The following KTN1 variants were observed in gnomAD, a reference collection of about 807,000 sequenced individuals.
KTN1 encodes kinectin.
In KTN1, 130 loss-of-function variants were observed where a neutral mutation model predicts 222.5. The observed-to-expected ratio is 0.58, with a 90% CI of 0.51 to 0.68. The LOEUF is 0.68. Ranked by LOEUF, KTN1 falls within the 30% of genes least tolerant of loss-of-function variation. KTN1 has a pLI of 0.00. For missense variants in KTN1, 1,508 were observed against 1,500.4 expected (o/e 1.01, Z -0.08); for synonymous variants, 512 against 496.3 (o/e 1.03, Z -0.42).
chr14:55,618,952 T>C (rs1199079730), intron 4 of KTN1, among the ~76,000 whole-genome samples: 1 of 152,198 alleles, frequency 6.6e-6, no homozygotes, highest in Non-Finnish European at 1.5e-5. Flanking sequence ...TTTTAGTATT[T>C]TGCAGTTTGA....
intron 1 of KTN1, among the ~76,000 whole-genome samples, chr14:55,603,144 T>G (rs538175970): frequency 6.6e-6 from 1 of 152,010 alleles, no homozygotes; most frequent in East Asian, 1.9e-4. Context: ...TGCATCATTG[T>G]TCTTTCCCTT....
chr14:55,592,272 C>A (rs1566661464), intron 1 of KTN1, among the ~76,000 whole-genome samples: 1 of 152,112 alleles, frequency 6.6e-6, no homozygotes, highest in Non-Finnish European at 1.5e-5. Context: ...TTTGTTTCTT[C>A]CCCTTTATGC....
intron 27 of KTN1, 72 bp from the exon 28 acceptor site, chr14:55,653,487 A>C: frequency 3.5e-6 from 4 of 1,136,776 alleles, no homozygotes; most frequent in Non-Finnish European, 5.2e-6. Flanking sequence ...GGGTGATTCC[A>C]TATATATGTT....
At chr14:55,646,312 C>T (rs2042269650) in intron 18 of KTN1, among the ~76,000 whole-genome samples, 1 of 152,068 alleles carries the variant, frequency 6.6e-6, no homozygotes, top group Admixed American at 6.5e-5. Flanking sequence ...GAGCTGTGAA[C>T]AGGATTTATG....
At chr14:55,659,754 TG>T (rs2043908367) in intron 31 of KTN1, 51 bp downstream of exon 31, 2 of 1,031,444 alleles carry the variant, frequency 1.9e-6, no homozygotes. Context: ...TATTTTTATG[TG>T]GTAAACCATT....
At position 55,611,044 on chromosome 14, in the gene KTN1, T is replaced by G. The variant is rs76326288; in HGVS notation, c.-30-975T>G. Among the ~76,000 whole-genome samples the G allele has an allele frequency of 2.8e-4, 42 of 152,264 alleles. No individual in the cohort carries two copies. The East Asian group carries it at 7.7e-3, about 28-fold the overall frequency. Reference sequence around the variant, plus strand: ...ATAACTTGTTTTGTGCAGTATGGGGTGCCTTTAAAAAACTGAGATAAGTTC... The same window carrying G: ...ATAACTTGTTTTGTGCAGTATGGGGGGCCTTTAAAAAACTGAGATAAGTTC... On this transcript the variant is annotated intron_variant, in intron 1 of 43. Transcript: ENST00000395314.
At chr14:55,647,036 T>G (rs373822094) in intron 19 of KTN1, 29 bp downstream of exon 19, 2 of 1,339,334 alleles carry the variant, frequency 1.5e-6, no homozygotes, top group Non-Finnish European at 2.1e-6. Context: ...TTTTATATTT[T>G]GATGAGTTAC....
intron 1 of KTN1, among the ~76,000 whole-genome samples, chr14:55,608,679 A>G (rs890509835): frequency 4.8e-4 from 71 of 148,274 alleles, no homozygotes; most frequent in African/African-American, 1.7e-3. Flanking sequence ...GCTGGAGTGC[A>G]GTGGCGCGAT....
chr14:55,684,420 T>G lies in KTN1; in HGVS notation c.*317T>G. Reference sequence around the variant, plus strand: ...CAGAAGATCAAAGTGGTAAAGACAATGTAAAATTTAACATTTTAATACTGA... The same window carrying G: ...CAGAAGATCAAAGTGGTAAAGACAAGGTAAAATTTAACATTTTAATACTGA... On this transcript the variant is annotated 3_prime_UTR_variant, in exon 44 of 44. Coordinates refer to ENST00000395314, the MANE Select transcript of KTN1 (RefSeq NM_001079521.2). The G allele has an allele frequency of 3.7e-6, 1 of 272,014 alleles. No individual in the cohort carries two copies. Among genetic ancestry groups the G allele is most frequent in the Non-Finnish European group, 6.9e-6 (1 of 145,172 alleles). The allele number at this position is 272,014 out of a possible 1,614,324, so 16.9% of individuals were successfully genotyped here.
At chr14:55,602,243 A>G (rs1418795208) in intron 1 of KTN1, among the ~76,000 whole-genome samples, 1 of 152,170 alleles carries the variant, frequency 6.6e-6, no homozygotes, top group African/African-American at 2.4e-5. Context: ...AGTTGAAACC[A>G]TTTACTGTCT....
chr14:55,646,391 GTCTTTCTT>G (rs142199037), intron 18 of KTN1, among the ~76,000 whole-genome samples: 1 of 151,188 alleles, frequency 6.6e-6, no homozygotes, highest in Admixed American at 6.6e-5. Context: ...ATGTTTGTCT[GTCTTTCTT>G]TCTTTCTTCC....
chr14:55,607,811 G>C (rs1383439103), intron 1 of KTN1, among the ~76,000 whole-genome samples: 4 of 152,180 alleles, frequency 2.6e-5, no homozygotes, highest in African/African-American at 9.6e-5. Context: ...AAGACCTCTG[G>C]AGTTTGATGC....
chr14:55,641,875 C>A, intron 18 of KTN1, 115 bp downstream of exon 18: 1 of 690,320 alleles, frequency 1.4e-6, no homozygotes, highest in Non-Finnish European at 2.6e-6. Context: ...TTAGATATGG[C>A]TGTTATTGCC....
intron 1 of KTN1, among the ~76,000 whole-genome samples, chr14:55,588,041 C>T (rs2033383666): frequency 6.6e-6 from 1 of 152,150 alleles, no homozygotes; most frequent in Admixed American, 6.5e-5. Flanking sequence ...ATTAGGGGCA[C>T]TAGCACCCTG....
Position 55,672,637 on chromosome 14 carries a change from C to T in KTN1, c.3539C>T (p.Ser1180Leu), listed in dbSNP as rs759996477. The T allele has an allele frequency of 6.2e-7, 1 of 1,600,204 alleles. No homozygotes were observed. The highest frequency in any genetic ancestry group is 8.6e-7 in the Non-Finnish European group (1 of 1,168,082). Reference sequence around the variant, plus strand: ...AATTGTTTCACATTTCAGATGCAGTCATCATTTACATCTTCAGAACAAGAG... The same window carrying T: ...AATTGTTTCACATTTCAGATGCAGTTATCATTTACATCTTCAGAACAAGAG... ...ESHKTIKQMQ[S>L]SFTSSEQELE... The change falls in exon 38 of 44, where the codon TCA becomes TTA. Residue 1180 changes from serine (S) to leucine (L), a missense_variant. Physicochemically the swap from Ser to Leu is moderately radical, Grantham distance 145. Coordinates refer to ENST00000395314, the MANE Select transcript of KTN1 (RefSeq NM_001079521.2).
intron 34 of KTN1, among the ~76,000 whole-genome samples, chr14:55,669,918 T>C (rs1405090365): frequency 6.6e-6 from 1 of 152,044 alleles, no homozygotes; most frequent in Non-Finnish European, 1.5e-5. Flanking sequence ...TGAGTTTTTT[T>C]CTTAAATTTA....
intron 7 of KTN1, among the ~76,000 whole-genome samples, chr14:55,631,588 G>A (rs1011155863): frequency 2.0e-5 from 3 of 151,838 alleles, no homozygotes; most frequent in African/African-American, 7.3e-5. Flanking sequence ...TTTGAGAACA[G>A]CCTGGGCAAC....
At chr14:55,616,418 T>G in intron 2 of KTN1, 99 bp from the exon 3 acceptor site, 1 of 1,124,526 alleles carries the variant, frequency 8.9e-7, no homozygotes, top group Non-Finnish European at 1.3e-6. Context: ...ACTTTAAATT[T>G]TTAGTGGTAA....
intron 2 of KTN1, among the ~76,000 whole-genome samples, chr14:55,613,180 C>T (rs1054099549): frequency 6.6e-6 from 1 of 152,242 alleles, no homozygotes; most frequent in Admixed American, 6.5e-5. Flanking sequence ...GCTGTAGACA[C>T]AGATAGGTCA....
Sources: gnomAD v4.1 joint callset for allele counts (sites outside exome capture counted in the v4.1 genomes callset) on GRCh38, gnomAD v4.1.1 for gene constraint, MANE v1.5 for transcripts, NCBI Gene and HGNC (gene_info 2026-07-23, HGNC 2026-07-21) for gene names.